SH3RF3: variants seen among roughly 807,000 people sequenced by gnomAD.
The protein encoded by SH3RF3 is SH3 domain containing ring finger 3, also known as E3 ubiquitin-protein ligase SH3RF3.
A neutral mutation model predicts 66.3 loss-of-function variants in SH3RF3; 29 were observed. The ratio of observed to expected loss-of-function variants is 0.44; its 90% CI spans 0.33 to 0.60. The LOEUF (loss-of-function observed/expected upper bound fraction) is 0.60. Among genes scored for constraint, SH3RF3 ranks in the 20% least tolerant of loss-of-function variants. SH3RF3 has a pLI of 0.04. For missense variants in SH3RF3, 1,194 were observed against 1,190.9 expected, an observed-to-expected ratio of 1.00 and a Z score of -0.04; for synonymous variants, 583 against 532.0, an observed-to-expected ratio of 1.10 and a Z score of -1.32.
At chr2:109,501,269 C>T (rs1024078041) in intron 9 of SH3RF3, among the ~76,000 whole-genome samples, 1 of 151,948 alleles carries the variant, frequency 6.6e-6, no homozygotes, top group Non-Finnish European at 1.5e-5. Flanking sequence ...CCAGCTTCTT[C>T]GTAGATCAGC....
intron 1 of SH3RF3, among the ~76,000 whole-genome samples, chr2:109,141,948 G>A (rs553508230): frequency 4.1e-4 from 63 of 152,164 alleles, no homozygotes; most frequent in Non-Finnish European, 7.1e-4. Context: ...TACACTCACG[G>A]AAGTCTCAAA....
chr2:109,318,045 T>C (rs1574570238), intron 1 of SH3RF3, among the ~76,000 whole-genome samples: 1 of 151,530 alleles, frequency 6.6e-6, no homozygotes, highest in East Asian at 2.0e-4. Flanking sequence ...AGGATCATCG[T>C]GATCCTTTCT....
At chr2:109,136,436 A>G (rs1676816436) in intron 1 of SH3RF3, among the ~76,000 whole-genome samples, 1 of 152,214 alleles carries the variant, frequency 6.6e-6, no homozygotes, top group African/African-American at 2.4e-5. Context: ...TATTGGCAAC[A>G]GTGAATGGTT....
Position 109,398,835 on chromosome 2 carries a change from C to T in SH3RF3, c.1191C>T (p.His397=), listed in dbSNP as rs1454914604. 4.3e-6 allele frequency: 7 copies of T among 1,613,956 alleles called. No homozygotes were observed. The highest frequency in any genetic ancestry group is 5.1e-6 in the Non-Finnish European group (6 of 1,179,894). ...ACAGATCCTCCCAGGCTGCCAGCCA[C>T]AGGCATTCCATGGAAATTAGTGCTC... The part of the protein sequence containing the change: ...VTHRSSQAAS[H]RHSMEISAPV... The change falls in exon 4 of 10, where the codon CAC becomes CAT. Residue 397 remains histidine, a synonymous_variant. Coordinates refer to ENST00000309415, the MANE Select transcript of SH3RF3 (RefSeq NM_001099289.3).
chr2:109,183,763 G>A (rs1022904352), intron 1 of SH3RF3, among the ~76,000 whole-genome samples: 4 of 152,192 alleles, frequency 2.6e-5, no homozygotes, highest in Non-Finnish European at 5.9e-5. Flanking sequence ...GTCAGGTCAG[G>A]AATTATTTAT....
chr2:109,183,412 G>A (rs1425750843), intron 1 of SH3RF3, among the ~76,000 whole-genome samples: 1 of 152,176 alleles, frequency 6.6e-6, no homozygotes, highest in Non-Finnish European at 1.5e-5. Context: ...TGGAAACAAA[G>A]CTCTACCTTA....
intron 1 of SH3RF3, among the ~76,000 whole-genome samples, chr2:109,322,063 GGAGC>G (rs1193155420): frequency 3.9e-5 from 6 of 152,234 alleles, no homozygotes; most frequent in Non-Finnish European, 5.9e-5. Context: ...GGCACAGCAA[GGAGC>G]GAGAAAGGGT....
chr2:109,159,540 T>C (rs1270775939), intron 1 of SH3RF3, among the ~76,000 whole-genome samples: 1 of 152,248 alleles, frequency 6.6e-6, no homozygotes, highest in Non-Finnish European at 1.5e-5. Context: ...ATTGTCCATG[T>C]AGTGAGTACA....
Position 109,129,771 on chromosome 2 carries a change from C to T in SH3RF3, c.231C>T (p.Phe77=), listed in dbSNP as rs765359868. 10 of 1,539,142 alleles carry T rather than the reference C, an allele frequency of 6.5e-6. No homozygotes were observed. Among genetic ancestry groups the T allele is most frequent in the South Asian group, 4.8e-5 (4 of 83,246 alleles). ...AGGTGCTGCCATGCCAACACACTTT[C>T]TGCCGCCGCTGCCTGGAGAGCATCG... ...TAKVLPCQHT[F]CRRCLESIVC... The change falls in exon 1 of 10, where the codon TTC becomes TTT. Residue 77 remains phenylalanine, a synonymous_variant. Coordinates refer to ENST00000309415, the MANE Select transcript of SH3RF3 (RefSeq NM_001099289.3).
At chr2:109,471,727 C>T (rs1349016849) in intron 8 of SH3RF3, among the ~76,000 whole-genome samples, 1 of 152,202 alleles carries the variant, frequency 6.6e-6, no homozygotes, top group East Asian at 1.9e-4. Flanking sequence ...GCTGTCTCAG[C>T]CTCACATACC....
intron 4 of SH3RF3, among the ~76,000 whole-genome samples, chr2:109,410,725 G>A (rs969447361): frequency 2.6e-5 from 4 of 152,186 alleles, no homozygotes; most frequent in African/African-American, 9.7e-5. Flanking sequence ...ATCCATTATG[G>A]AGCCTTTTAA....
intron 4 of SH3RF3, among the ~76,000 whole-genome samples, chr2:109,412,144 C>A (rs563352711): frequency 6.6e-6 from 1 of 152,256 alleles, no homozygotes; most frequent in Non-Finnish European, 1.5e-5. Context: ...GGATGGTGAG[C>A]CTTCGGCCGC....
intron 1 of SH3RF3, among the ~76,000 whole-genome samples, chr2:109,152,646 A>G (rs1388318706): frequency 1.3e-5 from 2 of 152,174 alleles, no homozygotes; most frequent in Admixed American, 6.5e-5. Context: ...AAACGGCATT[A>G]TTTAATAAAG....
chr2:109,465,130 A>G (rs745983905), intron 8 of SH3RF3, among the ~76,000 whole-genome samples: 2 of 152,166 alleles, frequency 1.3e-5, no homozygotes, highest in Non-Finnish European at 2.9e-5. Context: ...CGTTTCCTCC[A>G]TGTCTTCTCA....
At chr2:109,251,304 G>C (rs1680086386) in intron 1 of SH3RF3, 2 of 408,270 alleles carry the variant, frequency 4.9e-6, no homozygotes, top group Admixed American at 3.5e-5. Flanking sequence ...ACCATGCCCG[G>C]CCCAAATTAT....
intron 8 of SH3RF3, among the ~76,000 whole-genome samples, chr2:109,471,684 G>T (rs1559101381): frequency 6.6e-6 from 1 of 152,178 alleles, no homozygotes; most frequent in Non-Finnish European, 1.5e-5. Flanking sequence ...CTGGGGCGGG[G>T]TCTAAGTCTC....
chr2:109,446,371 A>G (rs985879426), intron 7 of SH3RF3, among the ~76,000 whole-genome samples: 2 of 152,188 alleles, frequency 1.3e-5, no homozygotes, highest in Non-Finnish European at 2.9e-5. Context: ...TTAAGCAGCC[A>G]TGTCCCCACC....
chr2:109,309,907 C>A lies in SH3RF3; in HGVS notation c.574-37767C>A, dbSNP rs1174046236. 1.7e-5 allele frequency among the ~76,000 whole-genome samples: 2 copies of A among 120,602 alleles called. 1 individual carries two copies. Among genetic ancestry groups the A allele is most frequent in the African/African-American group, 8.6e-5 (2 of 23,340 alleles). The allele number at this position is 120,602 out of a possible 152,430, so 79.1% of individuals were successfully genotyped here. ...ATTAATAATGGGAGACTTTAACACCCCACTGTCAACATTAGACAGATCAAC... is the reference window on the plus strand; with the variant it reads ...ATTAATAATGGGAGACTTTAACACCACACTGTCAACATTAGACAGATCAAC... On this transcript the variant is annotated intron_variant, in intron 1 of 9. Transcript: ENST00000309415.
intron 4 of SH3RF3, among the ~76,000 whole-genome samples, chr2:109,412,866 C>G (rs1286843589): frequency 6.6e-6 from 1 of 152,226 alleles, no homozygotes; most frequent in African/African-American, 2.4e-5. Flanking sequence ...ACACGTATCA[C>G]TGTCAGAAAT....
Sources: gnomAD v4.1 joint callset for allele counts (sites outside exome capture counted in the v4.1 genomes callset) on GRCh38, gnomAD v4.1.1 for gene constraint, MANE v1.5 for transcripts, NCBI Gene and HGNC (gene_info 2026-07-23, HGNC 2026-07-21) for gene names.